CHIC1: variants seen among roughly 807,000 people sequenced by gnomAD.
The protein encoded by CHIC1 is cysteine rich hydrophobic domain 1.
In CHIC1, 7 loss-of-function variants were observed where a neutral mutation model predicts 18.5. The observed-to-expected ratio is 0.38, with a 90% confidence interval of 0.22 to 0.71. CHIC1 has a LOEUF of 0.71. Ranked by LOEUF, CHIC1 falls within the 30% of genes least tolerant of loss-of-function variation. The pLI is 0.49. For missense variants in CHIC1, 159 were observed against 176.9 expected (o/e 0.90, Z 0.57); for synonymous variants, 77 against 73.5 (o/e 1.05, Z -0.25).
Position 73,640,429 on chromosome X carries a change from T to C in CHIC1, c.508-38897T>C, listed in dbSNP as rs1009986858. ...TTTTGCTGTGCTGCTGGATTGAGTT[T>C]GCTAGTATTTTGTTGAGGATTTTTA... On this transcript the variant is annotated intron_variant, in intron 3 of 5. Coordinates refer to ENST00000373502, the MANE Select transcript of CHIC1 (RefSeq NM_001039840.4). Among the ~76,000 whole-genome samples, 8 of 111,956 alleles carry C rather than the reference T, an allele frequency of 7.1e-5. No individual in the cohort carries two copies. The East Asian group carries it at 2.0e-3, about 27-fold the overall frequency.
At chrX:73,597,229 C>T (rs947537484) in intron 3 of CHIC1, among the ~76,000 whole-genome samples, 1 of 111,616 alleles carries the variant, frequency 9.0e-6, no homozygotes, top group African/African-American at 3.3e-5. Context: ...ATACATTTCC[C>T]TCATGATTAG....
intron 3 of CHIC1, among the ~76,000 whole-genome samples, chrX:73,655,462 GTA>G (rs200659486): frequency 0.075 from 3,144 of 41,923 alleles, 108 homozygotes; most frequent in Non-Finnish European, 0.087. Flanking sequence ...ACAATATTGT[GTA>G]TATATATATA....
intron 3 of CHIC1, among the ~76,000 whole-genome samples, chrX:73,645,412 T>C (rs2057884388): frequency 8.9e-6 from 1 of 112,009 alleles, no homozygotes; most frequent in Non-Finnish European, 1.9e-5. Context: ...TTCAATTTTT[T>C]TGGATGTATA....
chrX:73,593,410 A>T (rs1351349727), intron 3 of CHIC1, among the ~76,000 whole-genome samples: 1 of 111,376 alleles, frequency 9.0e-6, no homozygotes. Flanking sequence ...TGTCTTGTAT[A>T]GTATCATGGA....
intron 3 of CHIC1, among the ~76,000 whole-genome samples, chrX:73,589,601 T>C (rs1329339429): frequency 4.5e-5 from 5 of 111,086 alleles, no homozygotes; most frequent in Non-Finnish European, 9.5e-5. Flanking sequence ...TTTATGATTA[T>C]CATTTTGTCT....
At chrX:73,585,816 A>T (rs943894974) in intron 3 of CHIC1, among the ~76,000 whole-genome samples, 2 of 110,710 alleles carry the variant, frequency 1.8e-5, no homozygotes, top group African/African-American at 6.5e-5. Context: ...ATAAGGAGAA[A>T]CATTTTTTTT....
At chrX:73,598,486 C>G (rs1324455805) in intron 3 of CHIC1, among the ~76,000 whole-genome samples, 2 of 73,821 alleles carry the variant, frequency 2.7e-5, no homozygotes, top group Non-Finnish European at 5.0e-5. Flanking sequence ...CCCCCCTCCC[C>G]CCACCCCACC....
At chrX:73,616,257 G>A (rs750901177) in intron 3 of CHIC1, among the ~76,000 whole-genome samples, 16 of 111,418 alleles carry the variant, frequency 1.4e-4, no homozygotes, top group African/African-American at 4.9e-4. Context: ...GCATCTAGGG[G>A]CTCTCCTGTG....
chrX:73,619,200 A>G (rs1230413125), intron 3 of CHIC1, among the ~76,000 whole-genome samples: 1 of 110,999 alleles, frequency 9.0e-6, no homozygotes, highest in Non-Finnish European at 1.9e-5. Context: ...CAAAGGGTCT[A>G]TGGATTCTCT....
At position 73,683,703 on chromosome X, in the gene CHIC1, G is replaced by A. The variant is rs753375725; in HGVS notation, c.*2698G>A. 1 of 111,489 alleles carries A rather than the reference G, an allele frequency of 9.0e-6. No individual in the cohort carries two copies. Among genetic ancestry groups the A allele is most frequent in the Non-Finnish European group, 1.9e-5 (1 of 52,813 alleles). The allele number at this position is 111,489 out of a possible 1,213,427, so 9.2% of individuals were successfully genotyped here. Reference sequence around the variant, plus strand: ...TGCCAAAGTATATAAATCTCACAAGGCTTTAAGATTACAAGCTAAAATTGT... The same window carrying A: ...TGCCAAAGTATATAAATCTCACAAGACTTTAAGATTACAAGCTAAAATTGT... On this transcript the variant is annotated 3_prime_UTR_variant, in exon 6 of 6. Coordinates refer to ENST00000373502, the MANE Select transcript of CHIC1 (RefSeq NM_001039840.4).
At position 73,659,446 on chromosome X, in the gene CHIC1, A is replaced by G. The variant is rs143309508; in HGVS notation, c.508-19880A>G. 2.3e-3 allele frequency among the ~76,000 whole-genome samples: 213 copies of G among 92,508 alleles called. 1 individual carries two copies. The highest frequency in any genetic ancestry group is 8.6e-3 in the African/African-American group (203 of 23,585). The allele number at this position is 92,508 out of a possible 115,157, so 80.3% of individuals were successfully genotyped here. A position where few individuals can be genotyped will look rare whatever the true frequency, so the allele number is the denominator to read the frequency against. On this transcript the variant is annotated intron_variant, in intron 3 of 5. Transcript: ENST00000373502. ...TACAGATGTGTGCAGCAATGTAACT[A>G]TGAATCTTTTGTGTCCGACCTGGGA...
At chrX:73,590,148 G>A (rs1018271711) in intron 3 of CHIC1, among the ~76,000 whole-genome samples, 13 of 109,862 alleles carry the variant, frequency 1.2e-4, no homozygotes, top group African/African-American at 4.0e-4. Context: ...TTTTTTCTGT[G>A]TGCAGTTTCA....
rs1274773941 is a variant in CHIC1, at chrX:73,685,479, C to T, written c.*4474C>T. 2 of 111,384 alleles carry T rather than the reference C, an allele frequency of 1.8e-5. No homozygotes were observed. Among genetic ancestry groups the T allele is most frequent in the Admixed American group, 9.6e-5 (1 of 10,414 alleles). 9.2% of individuals were successfully genotyped at this position (111,384 alleles called of 1,213,427 possible). A position where few individuals can be genotyped will look rare whatever the true frequency, so the allele number is the denominator to read the frequency against. ...CTTTAGTGTCTAATCAAATTCCATA[C>T]CCTCAAAAAGATCTGTTGGAACAAA... On this transcript the variant is annotated 3_prime_UTR_variant, in exon 6 of 6. Coordinates refer to ENST00000373502, the MANE Select transcript of CHIC1 (RefSeq NM_001039840.4).
chrX:73,659,638 T>C (rs1473813487), intron 3 of CHIC1, among the ~76,000 whole-genome samples: 5 of 111,576 alleles, frequency 4.5e-5, no homozygotes, highest in Non-Finnish European at 9.4e-5. Flanking sequence ...GTCCCTGCAC[T>C]CAGGTCACAA....
intron 3 of CHIC1, among the ~76,000 whole-genome samples, chrX:73,599,164 C>T (rs1337906780): frequency 9.0e-6 from 1 of 110,638 alleles, no homozygotes; most frequent in Non-Finnish European, 1.9e-5. Context: ...CCTTCGCCCA[C>T]CTTTTGATGG....
chrX:73,645,605 A>G (rs2057885386), intron 3 of CHIC1, among the ~76,000 whole-genome samples: 1 of 111,842 alleles, frequency 8.9e-6, no homozygotes, highest in Non-Finnish European at 1.9e-5. Flanking sequence ...TAGCCATTCT[A>G]ATAGGTGTGA....
At chrX:73,626,982 G>A (rs888232857) in intron 3 of CHIC1, among the ~76,000 whole-genome samples, 6 of 110,219 alleles carry the variant, frequency 5.4e-5, no homozygotes, top group African/African-American at 2.0e-4. Context: ...TGGGTGTTGT[G>A]ATCTAAACTG....
intron 3 of CHIC1, among the ~76,000 whole-genome samples, chrX:73,650,837 T>C (rs999651247): frequency 2.7e-5 from 3 of 111,440 alleles, no homozygotes; most frequent in Non-Finnish European, 5.6e-5. Flanking sequence ...CCTAACTCAT[T>C]TTATGAGGCC....
intron 3 of CHIC1, among the ~76,000 whole-genome samples, chrX:73,633,062 T>C (rs1569503496): frequency 9.0e-6 from 1 of 111,365 alleles, no homozygotes; most frequent in Non-Finnish European, 1.9e-5. Flanking sequence ...CCACCGCGCC[T>C]GGCCGGTATT....
Sources: gnomAD v4.1 joint callset for allele counts (sites outside exome capture counted in the v4.1 genomes callset) on GRCh38, gnomAD v4.1.1 for gene constraint, MANE v1.5 for transcripts, NCBI Gene and HGNC (gene_info 2026-07-23, HGNC 2026-07-21) for gene names.